TESPA1: variants seen among roughly 807,000 people sequenced by gnomAD.
TESPA1 encodes protein TESPA1.
Under a neutral mutation model 57.9 loss-of-function variants are expected in TESPA1, and 33 were observed. The ratio of observed to expected loss-of-function variants is 0.57; its 90% CI spans 0.43 to 0.76. The LOEUF (loss-of-function observed/expected upper bound fraction) is 0.76, where lower values mean the gene tolerates loss of function less well. Among genes scored for constraint, TESPA1 ranks in the 30% least tolerant of loss-of-function variants. The pLI is 0.00. For synonymous variants in TESPA1, 227 were observed against 228.9 expected (o/e 0.99, Z 0.07); for missense variants, 618 against 632.9 (o/e 0.98, Z 0.25).
intron 3 of TESPA1, among the ~76,000 whole-genome samples, chr12:54,972,930 C>T (rs1313902754): frequency 2.0e-5 from 3 of 152,150 alleles, no homozygotes; most frequent in Admixed American, 6.5e-5. Flanking sequence ...AAGAACGGTA[C>T]AGGCTGATGG....
intron 1 of TESPA1, among the ~76,000 whole-genome samples, chr12:54,978,302 A>C (rs1952203429): frequency 6.6e-6 from 1 of 152,188 alleles, no homozygotes; most frequent in African/African-American, 2.4e-5. Flanking sequence ...TTGTCCAATT[A>C]ATTGACTTAT....
intron 4 of TESPA1, 53 bp downstream of exon 4, chr12:54,967,790 G>T: frequency 6.2e-7 from 1 of 1,601,426 alleles, no homozygotes; most frequent in South Asian, 1.1e-5. Context: ...CACACGCACA[G>T]GTATATCACT....
At chr12:54,978,049 C>T (rs934044422) in intron 1 of TESPA1, among the ~76,000 whole-genome samples, 9 of 150,922 alleles carry the variant, frequency 6.0e-5, no homozygotes, top group Non-Finnish European at 8.8e-5. Context: ...CTGCAGGAAG[C>T]GGCAAATGAT....
At chr12:54,983,486 T>C (rs904701486) in intron 1 of TESPA1, among the ~76,000 whole-genome samples, 4 of 152,178 alleles carry the variant, frequency 2.6e-5, no homozygotes, top group Admixed American at 6.5e-5. Flanking sequence ...GTCTGATACT[T>C]GGACACACAA....
rs1950299522 is a variant in TESPA1, at chr12:54,950,288, C to T, written c.*104G>A. The T allele has an allele frequency of 2.2e-6, 1 of 456,778 alleles. No individual in the cohort carries two copies. Among genetic ancestry groups the T allele is most frequent in the Non-Finnish European group, 4.4e-6 (1 of 226,978 alleles). 28.3% of individuals were successfully genotyped at this position (456,778 alleles called of 1,614,324 possible). A position where few individuals can be genotyped will look rare whatever the true frequency, so the allele number is the denominator to read the frequency against. On this transcript the variant is annotated 3_prime_UTR_variant, in exon 11 of 11. Coordinates refer to ENST00000449076, the MANE Select transcript of TESPA1 (RefSeq NM_001136030.3). ...GGTTTGGAGGACCAAGGAGTAGGGG[C>T]TGGATGTTGAGGGCAGTGCAGTTTC... is the stretch of plus-strand genomic sequence containing the variant.
rs1950219090 is a variant in TESPA1, at chr12:54,948,797, T to C, written c.*1595A>G. On this transcript the variant is annotated 3_prime_UTR_variant, in exon 11 of 11. Transcript: ENST00000449076. ...TCTTTAAATGAAATATTGTCAGATA[T>C]TTCTGTTCTCTTGTGACAAGATAGC... 1 of 152,330 alleles carries C rather than the reference T, an allele frequency of 6.6e-6. No homozygotes were observed. The highest frequency in any genetic ancestry group is 1.5e-5 in the Non-Finnish European group (1 of 68,058). The allele number at this position is 152,330 out of a possible 1,614,324, so 9.4% of individuals were successfully genotyped here. A position where few individuals can be genotyped will look rare whatever the true frequency, so the allele number is the denominator to read the frequency against.
intron 10 of TESPA1, among the ~76,000 whole-genome samples, chr12:54,952,488 C>T (rs1309770537): frequency 6.6e-6 from 1 of 152,226 alleles, no homozygotes; most frequent in Non-Finnish European, 1.5e-5. Context: ...TTTCTATTTA[C>T]ACTGCTATTT....
intron 9 of TESPA1, among the ~76,000 whole-genome samples, chr12:54,961,763 T>C (rs115329448): frequency 3.0e-3 from 462 of 152,346 alleles, no homozygotes; most frequent in African/African-American, 9.5e-3. Flanking sequence ...TGGTTTTGCC[T>C]GATGACTGTT....
chr12:54,962,608 A>G lies in TESPA1; in HGVS notation c.1290T>C (p.Thr430=), dbSNP rs1463933812. 1.2e-6 allele frequency: 2 copies of G among 1,613,986 alleles called. No homozygotes were observed. The highest frequency in any genetic ancestry group is 1.1e-5 in the South Asian group (1 of 91,082). ...NTETHPAKDE[T]FWKRKSRARK... ...TTGCTCTGCTCTTTCTTTTCCAGAA[A>G]GTCTCATCCTTGGCTGGATGGGTTT... The change falls in exon 9 of 11, where the codon ACT becomes ACC. Residue 430 remains threonine (T), a synonymous_variant. Transcript: ENST00000449076.
chr12:54,981,299 G>A (rs986176792), intron 1 of TESPA1, among the ~76,000 whole-genome samples: 2 of 152,040 alleles, frequency 1.3e-5, no homozygotes, highest in East Asian at 3.9e-4. Context: ...AAGGAAGAAG[G>A]TGAGAATTGC....
At chr12:54,971,345 A>G (rs998597790) in intron 3 of TESPA1, among the ~76,000 whole-genome samples, 12 of 152,228 alleles carry the variant, frequency 7.9e-5, no homozygotes, top group Admixed American at 5.9e-4. Flanking sequence ...TCATGTTTAG[A>G]ATGCGTTTTC....
At chr12:54,981,427 G>C (rs1049286237) in intron 1 of TESPA1, among the ~76,000 whole-genome samples, 15 of 125,182 alleles carry the variant, frequency 1.2e-4, no homozygotes, top group Non-Finnish European at 2.0e-4. Flanking sequence ...GTCCTAGGGT[G>C]GGGGGAGGGG....
Position 54,962,920 on chromosome 12 carries a change from CTCT to C in TESPA1, c.975_977del (p.Glu326del), listed in dbSNP as rs1331697731. 1 of 1,613,796 alleles carries C rather than the reference CTCT, an allele frequency of 6.2e-7. No homozygotes were observed. The highest frequency in any genetic ancestry group is 8.5e-7 in the Non-Finnish European group (1 of 1,179,840). Reference sequence around the variant, plus strand: ...CAGAGTCTTGCTGGAGGAACTGCTTCTCTTCTTTCACTTTGTCCATCACTTCCA... The same window carrying C: ...CAGAGTCTTGCTGGAGGAACTGCTTCTCTTTCACTTTGTCCATCACTTCCA... On this transcript the variant is annotated inframe_deletion, in exon 9 of 11. Coordinates refer to ENST00000449076, the MANE Select transcript of TESPA1 (RefSeq NM_001136030.3).
intron 10 of TESPA1, 55 bp downstream of exon 10, chr12:54,961,113 A>C: frequency 6.2e-7 from 1 of 1,600,212 alleles, no homozygotes; most frequent in South Asian, 1.1e-5. Context: ...AACCTTCCTC[A>C]TTTGATTACA....
rs1425967886 is a variant in TESPA1, at chr12:54,963,924, T to TG, written c.472dup (p.Gln158ProfsTer39). The TG allele has an allele frequency of 1.2e-6, 2 of 1,613,884 alleles. No individual in the cohort carries two copies. Among genetic ancestry groups the TG allele is most frequent in the Admixed American group, 3.3e-5 (2 of 60,030 alleles). On this transcript the variant is annotated frameshift_variant, in exon 8 of 11. Transcript: ENST00000449076. LOFTEE classifies it high-confidence loss of function. ...GAAGAGGACATCTTCTGCATCTTCT[T>TG]GCACTTTGTCCAGAATTTCTGAGAT...
chr12:54,952,513 A>G (rs4466933), intron 10 of TESPA1, among the ~76,000 whole-genome samples: 31,245 of 152,212 alleles, frequency 0.21, 5,454 homozygotes, highest in East Asian at 0.84. Context: ...GTTTTGCAAG[A>G]GCAGAGATTA....
intron 3 of TESPA1, 48 bp from the exon 4 acceptor site, chr12:54,967,940 C>T: frequency 6.2e-7 from 1 of 1,611,770 alleles, no homozygotes; most frequent in East Asian, 2.2e-5. Flanking sequence ...CTACATTTTC[C>T]AAGGAGCTTT....
At chr12:54,955,461 G>A (rs920478724) in intron 10 of TESPA1, among the ~76,000 whole-genome samples, 1 of 151,938 alleles carries the variant, frequency 6.6e-6, no homozygotes, top group Admixed American at 6.6e-5. Context: ...AAAAATATGA[G>A]GTTTATTTTT....
intron 10 of TESPA1, among the ~76,000 whole-genome samples, chr12:54,951,938 T>G (rs1336282413): frequency 6.6e-6 from 1 of 151,370 alleles, no homozygotes; most frequent in East Asian, 2.0e-4. Context: ...TAAGTAAGCC[T>G]TGAACTCCAA....
Sources: gnomAD v4.1 joint callset for allele counts (sites outside exome capture counted in the v4.1 genomes callset) on GRCh38, gnomAD v4.1.1 for gene constraint, MANE v1.5 for transcripts, NCBI Gene and HGNC (gene_info 2026-07-23, HGNC 2026-07-21) for gene names.